Variants in IGF2BP3 observed in about 807,000 individuals in gnomAD.
IGF2BP3 encodes the protein insulin like growth factor 2 mRNA binding protein 3.
Under a neutral mutation model 73.8 loss-of-function variants are expected in IGF2BP3, and 9 were observed. The observed-to-expected ratio is 0.12, with a 90% CI of 0.07 to 0.21. The LOEUF (loss-of-function observed/expected upper bound fraction) is 0.21, where lower values mean the gene tolerates loss of function less well. Among genes scored for constraint, IGF2BP3 ranks in the 10% least tolerant of loss-of-function variants. IGF2BP3 has a pLI of 1.00. For synonymous variants in IGF2BP3, 258 were observed against 256.7 expected, an observed-to-expected ratio of 1.01 and a Z score of -0.05; for missense variants, 542 against 714.0, an observed-to-expected ratio of 0.76 and a Z score of 2.75.
At chr7:23,365,457 C>T (rs1785345744) in intron 3 of IGF2BP3, among the ~76,000 whole-genome samples, 1 of 152,142 alleles carries the variant, frequency 6.6e-6, no homozygotes, top group East Asian at 1.9e-4. Context: ...ACTAAACCTA[C>T]AATAATGTCA....
intron 5 of IGF2BP3, 62 bp from the exon 6 acceptor site, chr7:23,351,648 C>T: frequency 6.5e-7 from 1 of 1,546,124 alleles, no homozygotes; most frequent in Non-Finnish European, 8.8e-7. Context: ...CATCTTTTAG[C>T]AAAGCAACAC....
At position 23,320,947 on chromosome 7, in the gene IGF2BP3, C is replaced by CAA. The variant is rs70966008; in HGVS notation, c.1204-1695_1204-1694dup. Among the ~76,000 whole-genome samples the CAA allele has an allele frequency of 3.8e-3, 362 of 95,814 alleles. 4 individuals are homozygous for CAA. Among genetic ancestry groups the CAA allele is most frequent in the South Asian group, 0.035 (115 of 3,280 alleles). The allele number at this position is 95,814 out of a possible 152,430, so 62.9% of individuals were successfully genotyped here. ...CCTGGGTGAGAGTGAAACTCTGTCT[C>CAA]AAAAAAAAAAAAAAAAAAAAAAGAA... is the stretch of plus-strand genomic sequence containing the variant. On this transcript the variant is annotated intron_variant, in intron 10 of 14. Transcript: ENST00000258729.
At chr7:23,346,135 A>C (rs901840137) in intron 7 of IGF2BP3, 73 bp from the exon 8 acceptor site, 3 of 1,503,440 alleles carry the variant, frequency 2.0e-6, no homozygotes, top group Non-Finnish European at 2.7e-6. Flanking sequence ...ATATTCACTC[A>C]TTAAACATTT....
At chr7:23,366,262 C>G in intron 3 of IGF2BP3, among the ~76,000 whole-genome samples, 1 of 151,962 alleles carries the variant, frequency 6.6e-6, no homozygotes, top group East Asian at 1.9e-4. Flanking sequence ...CTCAGCCTCC[C>G]AAGTAGCTGG....
Position 23,440,568 on chromosome 7 carries a change from C to T in IGF2BP3, c.237-21744G>A, listed in dbSNP as rs149700249. 6.5e-3 allele frequency among the ~76,000 whole-genome samples: 984 copies of T among 152,294 alleles called. 13 individuals carry two copies. Among genetic ancestry groups the T allele is most frequent in the African/African-American group, 0.021 (878 of 41,562 alleles). On this transcript the variant is annotated intron_variant, in intron 2 of 14. Coordinates refer to ENST00000258729, the MANE Select transcript of IGF2BP3 (RefSeq NM_006547.3). Reference sequence around the variant, plus strand: ...TGTTGAAATCAGTGTTTTGGAAATGCGTAAGCTTTAAGAATGTGTTACACA... The same window carrying T: ...TGTTGAAATCAGTGTTTTGGAAATGTGTAAGCTTTAAGAATGTGTTACACA...
At chr7:23,436,035 G>T (rs1348635883) in intron 2 of IGF2BP3, among the ~76,000 whole-genome samples, 1 of 152,206 alleles carries the variant, frequency 6.6e-6, no homozygotes, top group Non-Finnish European at 1.5e-5. Flanking sequence ...GGGAGAACAG[G>T]CATGAGCCAC....
At chr7:23,348,181 T>C (rs994598631) in intron 6 of IGF2BP3, among the ~76,000 whole-genome samples, 1 of 152,216 alleles carries the variant, frequency 6.6e-6, no homozygotes, top group East Asian at 1.9e-4. Context: ...ATTTCACCAA[T>C]CTGCTTCCCC....
intron 2 of IGF2BP3, among the ~76,000 whole-genome samples, chr7:23,435,292 CAAAAAAAAA>C (rs35846648): frequency 0.011 from 525 of 47,984 alleles, 6 homozygotes; most frequent in African/African-American, 0.038. Context: ...GACTCTGTCT[CAAAAAAAAA>C]AAAAAAAAAA....
intron 9 of IGF2BP3, among the ~76,000 whole-genome samples, 155 bp from the exon 10 acceptor site, chr7:23,342,344 T>C (rs969208613): frequency 1.3e-5 from 2 of 152,180 alleles, no homozygotes; most frequent in African/African-American, 2.4e-5. Flanking sequence ...CTTGAGTACA[T>C]CGTTTACATC....
intron 5 of IGF2BP3, among the ~76,000 whole-genome samples, chr7:23,352,656 G>A (rs1247767008): frequency 6.6e-6 from 1 of 152,050 alleles, no homozygotes; most frequent in Non-Finnish European, 1.5e-5. Context: ...ATAAATTTCA[G>A]TGAATTTTCA....
intron 2 of IGF2BP3, among the ~76,000 whole-genome samples, chr7:23,461,361 T>A (rs1193961106): frequency 6.6e-6 from 1 of 152,200 alleles, no homozygotes. Context: ...GTCACTTCTA[T>A]GTCCCATCTC....
Position 23,470,276 on chromosome 7 carries a change from T to A in IGF2BP3, c.-166A>T. On this transcript the variant is annotated 5_prime_UTR_variant, in exon 1 of 15. Coordinates refer to ENST00000258729, the MANE Select transcript of IGF2BP3 (RefSeq NM_006547.3). ...CAAGAACGAGGAGTGAAAAATCAGA[T>A]CCGAGGCTTGTTTTTTCCTTGTCTA... The A allele has an allele frequency of 1.9e-6, 1 of 523,938 alleles. No individual in the cohort carries two copies. Among genetic ancestry groups the A allele is most frequent in the Non-Finnish European group, 3.3e-6 (1 of 300,350 alleles). 32.5% of individuals were successfully genotyped at this position (523,938 alleles called of 1,614,324 possible).
chr7:23,337,333 A>C (rs1784599702), intron 10 of IGF2BP3, among the ~76,000 whole-genome samples: 1 of 152,222 alleles, frequency 6.6e-6, no homozygotes, highest in East Asian at 1.9e-4. Context: ...CTCTTTATTT[A>C]GATGAAAATA....
intron 3 of IGF2BP3, among the ~76,000 whole-genome samples, chr7:23,371,585 A>G (rs1352220930): frequency 6.6e-6 from 1 of 152,200 alleles, no homozygotes; most frequent in Non-Finnish European, 1.5e-5. Context: ...TAACACTCAA[A>G]CCATTCCTCA....
Position 23,330,118 on chromosome 7 carries a change from C to A in IGF2BP3, c.1204-10864G>T, listed in dbSNP as rs1234336487. Among the ~76,000 whole-genome samples the A allele has an allele frequency of 2.6e-5, 4 of 151,816 alleles. No individual in the cohort carries two copies. The East Asian group carries it at 7.8e-4, about 29-fold the overall frequency. On this transcript the variant is annotated intron_variant, in intron 10 of 14. Transcript: ENST00000258729. ...TGGCCAACATAGTAAAACCCCATCT[C>A]CACTGAAAATACAAAAAATAAGCCA... is the stretch of plus-strand genomic sequence containing the variant.
At chr7:23,445,085 C>T (rs954599560) in intron 2 of IGF2BP3, among the ~76,000 whole-genome samples, 2 of 152,046 alleles carry the variant, frequency 1.3e-5, no homozygotes, top group African/African-American at 4.8e-5. Context: ...TAAAACAAAA[C>T]AGTAAGGTAT....
intron 2 of IGF2BP3, among the ~76,000 whole-genome samples, chr7:23,428,323 T>G (rs73281684): frequency 0.057 from 8,668 of 151,556 alleles, 611 homozygotes; most frequent in African/African-American, 0.16. Flanking sequence ...GTACAAAAAA[T>G]TAGCCGAGCA....
intron 6 of IGF2BP3, among the ~76,000 whole-genome samples, chr7:23,348,619 T>C (rs2128503825): frequency 6.6e-6 from 1 of 152,290 alleles, no homozygotes; most frequent in East Asian, 1.9e-4. Context: ...AGATTCTTTG[T>C]TGTGGATGGG....
In IGF2BP3 at chr7:23,443,114, T is replaced by A. The variant is rs1393873957; in HGVS notation, c.237-24290A>T. ...AAACATTACAGTGATTTTTTTTTTTTTTTTTTTTTTTTTTTTGAGACTGTG... is the reference window on the plus strand; with the variant it reads ...AAACATTACAGTGATTTTTTTTTTTATTTTTTTTTTTTTTTTGAGACTGTG... On this transcript the variant is annotated intron_variant, in intron 2 of 14. Transcript: ENST00000258729. Among the ~76,000 whole-genome samples, 37 of 138,952 alleles carry A rather than the reference T, an allele frequency of 2.7e-4. 1 individual carries two copies. The highest frequency in any genetic ancestry group is 1.0e-3 in the African/African-American group (37 of 36,524). The allele number at this position is 138,952 out of a possible 152,430, so 91.2% of individuals were successfully genotyped here.
Sources: allele counts gnomAD v4.1 joint callset (sites outside exome capture counted in the v4.1 genomes callset), GRCh38; gene constraint gnomAD v4.1.1; transcripts MANE v1.5; gene names NCBI Gene and HGNC (gene_info 2026-07-23, HGNC 2026-07-21).